Variants in PIK3CA observed in about 807,000 individuals in gnomAD.
The protein encoded by PIK3CA is phosphatidylinositol-4,5-bisphosphate 3-kinase catalytic subunit alpha.
In PIK3CA, 27 loss-of-function variants were observed where a neutral mutation model predicts 138.2. That is an observed-to-expected ratio of 0.20 (90% confidence interval 0.14 to 0.27). The LOEUF is 0.27. Ranked by LOEUF, PIK3CA falls within the 10% of genes least tolerant of loss-of-function variation. The pLI, the probability that PIK3CA is intolerant of heterozygous loss-of-function variation, is 1.00. For missense variants in PIK3CA, 544 were observed against 1,277.4 expected (o/e 0.43, Z 8.75); for synonymous variants, 358 against 413.2 (o/e 0.87, Z 1.62).
At chr3:179,186,189 A>G (rs1423506648) in intron 1 of PIK3CA, among the ~76,000 whole-genome samples, 1 of 152,216 alleles carries the variant, frequency 6.6e-6, no homozygotes, top group African/African-American at 2.4e-5. Flanking sequence ...GCCAGGAGAG[A>G]GGACAGAGAC....
rs199664196 is a variant in PIK3CA at position 179,203,603 on chromosome 3, A to G, written c.873A>G (p.Glu291=). Reference sequence around the variant, plus strand: ...CCAATTTGATGTTGATGGCTAAAGAAAGCCTTTATTCTCAACTGCCAATGG... The same window carrying G: ...CCAATTTGATGTTGATGGCTAAAGAGAGCCTTTATTCTCAACTGCCAATGG... ...RMPNLMLMAK[E]SLYSQLPMDC... is the part of the protein sequence containing the mutation. Residue 291 remains glutamate, a synonymous_variant, in exon 5 of 21, where the codon GAA becomes GAG. Transcript: ENST00000263967. The G allele has an allele frequency of 1.2e-6, 2 of 1,613,836 alleles. No homozygotes were observed. The highest frequency in any genetic ancestry group is 1.7e-6 in the Non-Finnish European group (2 of 1,179,914).
At chr3:179,189,365 A>G (rs1042206399) in intron 1 of PIK3CA, among the ~76,000 whole-genome samples, 2 of 152,214 alleles carry the variant, frequency 1.3e-5, no homozygotes, top group African/African-American at 4.8e-5. Context: ...ACATTTCAGT[A>G]TCTGGTATGG....
intron 1 of PIK3CA, among the ~76,000 whole-genome samples, chr3:179,172,862 A>G (rs7644648): frequency 0.25 from 38,277 of 152,110 alleles, 5,812 homozygotes; most frequent in African/African-American, 0.42. Context: ...AAACATAACC[A>G]CACATAAAAA....
intron 1 of PIK3CA, among the ~76,000 whole-genome samples, chr3:179,159,109 T>A (rs1723212391): frequency 6.6e-6 from 1 of 152,214 alleles, no homozygotes; most frequent in African/African-American, 2.4e-5. Context: ...CTTCAGAAAT[T>A]ATCTGCGATT....
At chr3:179,191,925 A>G (rs996691556) in intron 1 of PIK3CA, among the ~76,000 whole-genome samples, 1 of 152,242 alleles carries the variant, frequency 6.6e-6, no homozygotes, top group Non-Finnish European at 1.5e-5. Context: ...GGCATGAGCC[A>G]CCACGCCTGG....
At chr3:179,159,329 T>A (rs965520096) in intron 1 of PIK3CA, among the ~76,000 whole-genome samples, 1 of 152,188 alleles carries the variant, frequency 6.6e-6, no homozygotes, top group African/African-American at 2.4e-5. Flanking sequence ...AATTTAGGCA[T>A]TGAAGTTAAG....
At chr3:179,187,048 T>C (rs574287209) in intron 1 of PIK3CA, among the ~76,000 whole-genome samples, 1 of 151,736 alleles carries the variant, frequency 6.6e-6, no homozygotes, top group African/African-American at 2.4e-5. Flanking sequence ...GTTTTTTTTT[T>C]CCTAATTTAA....
chr3:179,209,782 G>T lies in PIK3CA; in HGVS notation c.1251+82G>T, dbSNP rs902272052. ...GCTGATTGAATTTTTTCACAAATTG[G>T]ATGTTATTTTATATTTAAGAAAATA... On this transcript the variant is annotated intron_variant, in intron 7 of 20. Transcript: ENST00000263967. 2 of 664,782 alleles carry T rather than the reference G, an allele frequency of 3.0e-6. No homozygotes were observed. The highest frequency in any genetic ancestry group is 5.0e-6 in the Non-Finnish European group (2 of 400,428). 41.2% of individuals were successfully genotyped at this position (664,782 alleles called of 1,614,324 possible). A position where few individuals can be genotyped will look rare whatever the true frequency, so the allele number is the denominator to read the frequency against.
chr3:179,230,814 T>G lies in PIK3CA; in HGVS notation c.2936+438T>G, dbSNP rs759564972. ...CCACTTCAGCAAAAACTATTTTTTG[T>G]TTGTTTTTTATTCTATCTTATTTCA... On this transcript the variant is annotated intron_variant, in intron 20 of 20. Transcript: ENST00000263967. This position sits in a 1 kb window ranked among gnomAD's most constrained non-coding sequence, Gnocchi z 5.4. Among the ~76,000 whole-genome samples the G allele has an allele frequency of 1.3e-5, 2 of 152,148 alleles. No homozygotes were observed. The highest frequency in any genetic ancestry group is 2.9e-5 in the Non-Finnish European group (2 of 68,024).
rs766833890 is a variant in PIK3CA at position 179,198,867 on chromosome 3, C to T, written c.42C>T (p.His14=). Residue 14 remains histidine (H), a synonymous_variant, in exon 2 of 21, where the codon CAC becomes CAT. Transcript: ENST00000263967. ...CATCAGGTGAACTGTGGGGCATCCA[C>T]TTGATGCCCCCAAGAATCCTAGTAG... ...RPSSGELWGI[H]LMPPRILVEC... 2.1e-5 allele frequency: 33 copies of T among 1,585,080 alleles called. No individual in the cohort carries two copies. The South Asian group carries it at 3.3e-4, about 16-fold the overall frequency.
At chr3:179,188,618 C>T (rs1199787407) in intron 1 of PIK3CA, among the ~76,000 whole-genome samples, 2 of 152,162 alleles carry the variant, frequency 1.3e-5, no homozygotes, top group Non-Finnish European at 2.9e-5. Context: ...TTCTGACTGC[C>T]TGCTGCTGCT....
In PIK3CA at chr3:179,199,846, A is replaced by G. The variant is rs2108387771; in HGVS notation, c.509A>G (p.Asn170Ser). 2 of 1,612,838 alleles carry G rather than the reference A, an allele frequency of 1.2e-6. No homozygotes were observed. Among genetic ancestry groups the G allele is most frequent in the Non-Finnish European group, 1.7e-6 (2 of 1,178,944 alleles). ...HSRAMYVYPPNVESSPELPKH... is the reference protein window; with the variant it reads ...HSRAMYVYPPSVESSPELPKH... ...AGAGCAATGTATGTCTATCCTCCAAATGTAGAATCTTCACCAGAATTGCCA... is the reference window on the plus strand; with the variant it reads ...AGAGCAATGTATGTCTATCCTCCAAGTGTAGAATCTTCACCAGAATTGCCA... Residue 170 changes from asparagine to serine, a missense_variant, in exon 3 of 21, where the codon AAT (asparagine) becomes AGT (serine). Asn to Ser is a conservative substitution (Grantham distance 46). This residue lies in a region of PIK3CA where 234 missense variants were observed against 401.3 expected (regional missense o/e 0.58). Transcript: ENST00000263967.
chr3:179,226,497 T>A (rs1725085959), intron 17 of PIK3CA, among the ~76,000 whole-genome samples: 1 of 152,112 alleles, frequency 6.6e-6, no homozygotes, highest in African/African-American at 2.4e-5. Context: ...AATATCAGTA[T>A]TATCACCAAG....
chr3:179,227,796 TTTCA>T lies in PIK3CA; in HGVS notation c.2496-1473_2496-1470del, dbSNP rs1423457757. 2.6e-5 allele frequency among the ~76,000 whole-genome samples: 4 copies of T among 152,226 alleles called. 1 individual carries two copies. In the East Asian group the frequency reaches 7.7e-4, roughly 29 times the overall value. On this transcript the variant is annotated intron_variant, in intron 17 of 20. Coordinates refer to ENST00000263967, the MANE Select transcript of PIK3CA (RefSeq NM_006218.4). ...GTCAATCTGAATGTTAGGTGCTTTT[TTTCA>T]TTGTCTCTTTAAATCCTCACATCTG...
intron 14 of PIK3CA, among the ~76,000 whole-genome samples, chr3:179,221,515 T>G (rs1352587402): frequency 4.6e-5 from 7 of 152,030 alleles, no homozygotes; most frequent in African/African-American, 1.7e-4. Context: ...GTATTTACAG[T>G]GATTATTTCC....
intron 1 of PIK3CA, among the ~76,000 whole-genome samples, chr3:179,173,281 G>A (rs150117240): frequency 0.02 from 3,100 of 151,734 alleles, 99 homozygotes; most frequent in African/African-American, 0.065. Flanking sequence ...AAGAAAGGCC[G>A]GGCGCGGTAG....
chr3:179,164,069 G>A (rs1246283675), intron 1 of PIK3CA, among the ~76,000 whole-genome samples: 1 of 152,120 alleles, frequency 6.6e-6, no homozygotes, highest in Non-Finnish European at 1.5e-5. Flanking sequence ...CATAGAAAAT[G>A]TTTATGAAGA....
intron 1 of PIK3CA, among the ~76,000 whole-genome samples, chr3:179,171,205 A>G (rs1366213143): frequency 6.6e-6 from 1 of 152,206 alleles, no homozygotes; most frequent in South Asian, 2.1e-4. Flanking sequence ...ATGGGTGAAA[A>G]AAGAATTCAC....
In PIK3CA at chr3:179,173,296, C is replaced by T. The variant is rs879701725; in HGVS notation, c.-77+24693C>T. 1.2e-3 allele frequency among the ~76,000 whole-genome samples: 179 copies of T among 151,186 alleles called. 1 individual carries two copies. The highest frequency in any genetic ancestry group is 4.0e-4 in the Non-Finnish European group (27 of 67,888). On this transcript the variant is annotated intron_variant, in intron 1 of 20. Coordinates refer to ENST00000263967, the MANE Select transcript of PIK3CA (RefSeq NM_006218.4). ...AAGAAAGGCCGGGCGCGGTAGCTCA[C>T]GCCTGTAATCCCAGCACTTTGGGAG...
Sources: gnomAD v4.1 joint callset for allele counts (sites outside exome capture counted in the v4.1 genomes callset) on GRCh38, gnomAD v4.1.1 for gene constraint, gnomAD v4.1.1 regional missense constraint, Gnocchi (gnomAD v3.1) non-coding constraint, MANE v1.5 for transcripts, NCBI Gene and HGNC (gene_info 2026-07-23, HGNC 2026-07-21) for gene names.